MYCBP: variants seen among roughly 807,000 people sequenced by gnomAD.
MYCBP encodes C-Myc-binding protein.
Under a neutral mutation model 16.8 loss-of-function variants are expected in MYCBP, and 5 were observed. The observed-to-expected ratio is 0.30, with a 90% confidence interval of 0.16 to 0.63. The LOEUF (loss-of-function observed/expected upper bound fraction) is 0.63, where lower values mean the gene tolerates loss of function less well. MYCBP is among the 20% of genes least tolerant of loss of function. MYCBP has a pLI of 0.83. For missense variants in MYCBP, 103 were observed against 121.8 expected (o/e 0.85, Z 0.73); for synonymous variants, 35 against 43.7 (o/e 0.80, Z 0.79).
intron 2 of MYCBP, among the ~76,000 whole-genome samples, chr1:38,868,823 G>A (rs923462593): frequency 1.3e-4 from 19 of 151,958 alleles, no homozygotes; most frequent in Non-Finnish European, 1.6e-4. Flanking sequence ...GGAGAATGGC[G>A]TCAACCCAGG....
chr1:38,872,082 T>G (rs1642477837), intron 2 of MYCBP, among the ~76,000 whole-genome samples: 1 of 152,214 alleles, frequency 6.6e-6, no homozygotes, highest in Non-Finnish European at 1.5e-5. Flanking sequence ...ATTACTAGCC[T>G]TCTTTCTTCT....
At chr1:38,868,804 G>A (rs1642394570) in intron 2 of MYCBP, among the ~76,000 whole-genome samples, 1 of 152,088 alleles carries the variant, frequency 6.6e-6, no homozygotes, top group African/African-American at 2.4e-5. Context: ...TACTCAGGAG[G>A]CTGAGGCAGG....
Position 38,873,322 on chromosome 1 carries a change from G to A in MYCBP, c.-17C>T, listed in dbSNP as rs1444449687. 3 of 1,600,086 alleles carry A rather than the reference G, an allele frequency of 1.9e-6. No individual in the cohort carries two copies. The highest frequency in any genetic ancestry group is 1.1e-5 in the South Asian group (1 of 90,598). ...ATGGGCCATAGTGACAGCGGCAGCG[G>A]CGTAGCTGGCGCCGGAGACCGCGAC... On this transcript the variant is annotated 5_prime_UTR_variant, in exon 1 of 5. Transcript: ENST00000397572.
Position 38,863,370 on chromosome 1 carries a change from C to T in MYCBP, c.*1300G>A, listed in dbSNP as rs1357542500. 2.0e-5 allele frequency: 3 copies of T among 152,138 alleles called. No homozygotes were observed. Among genetic ancestry groups the T allele is most frequent in the Non-Finnish European group, 4.4e-5 (3 of 68,026 alleles). 9.4% of individuals were successfully genotyped at this position (152,138 alleles called of 1,614,324 possible). A position where few individuals can be genotyped will look rare whatever the true frequency, so the allele number is the denominator to read the frequency against. ...AAAACAAAGATAGGTTCTCTAACAA[C>T]AGGGAGAGAATATATGAAATAGGAA... On this transcript the variant is annotated 3_prime_UTR_variant, in exon 5 of 5. Transcript: ENST00000397572.
At chr1:38,869,741 G>C (rs1301984909) in intron 2 of MYCBP, among the ~76,000 whole-genome samples, 1 of 151,990 alleles carries the variant, frequency 6.6e-6, no homozygotes, top group African/African-American at 2.4e-5. Context: ...AAATCATCTT[G>C]GAAATAAGCT....
rs371676413 is a variant in MYCBP at position 38,873,088 on chromosome 1, G to A, written c.18C>T (p.Ala6=). Residue 6 remains alanine, a splice_region_variant and synonymous_variant, in exon 2 of 5, where the codon GCC becomes GCT. Coordinates refer to ENST00000397572, the MANE Select transcript of MYCBP (RefSeq NM_012333.5). ...GGAACTGCTCACGCTTCGAGTCGGC[G>A]GCCTGAAGAGACACCGGGGGTCAGT... MAHYK[A]ADSKREQFRR... The A allele has an allele frequency of 1.3e-4, 199 of 1,559,408 alleles. No homozygotes were observed. Among genetic ancestry groups the A allele is most frequent in the Admixed American group, 1.7e-4 (9 of 52,208 alleles).
Position 38,865,845 on chromosome 1 carries a change from C to T in MYCBP, c.267+1035G>A, listed in dbSNP as rs1015636004. On this transcript the variant is annotated intron_variant, in intron 4 of 4. Transcript: ENST00000397572. ...AGCACTAGATAAAATTAAGTCCTAA[C>T]AAATTTACAGAGGGCCGCTACATAT... Among the ~76,000 whole-genome samples, 82 of 152,000 alleles carry T rather than the reference C, an allele frequency of 5.4e-4. 1 individual carries two copies. The highest frequency in any genetic ancestry group is 1.9e-3 in the African/African-American group (78 of 41,386).
upstream of MYCBP, chr1:38,873,357 G>A: frequency 1.3e-6 from 2 of 1,587,160 alleles, no homozygotes; most frequent in Admixed American, 1.7e-5. Context: ...CTGGCGGGTT[G>A]GGAGCAGCAC....
At chr1:38,869,869 CAAA>C (rs57974251) in intron 2 of MYCBP, among the ~76,000 whole-genome samples, 4 of 142,484 alleles carry the variant, frequency 2.8e-5, no homozygotes, top group Admixed American at 7.0e-5. Context: ...CCCAACTCTA[CAAA>C]AAAAAAAAAA....
chr1:38,864,300 A>G lies in MYCBP; in HGVS notation c.*370T>C, dbSNP rs1224785143. 3.2e-5 allele frequency: 8 copies of G among 251,174 alleles called. No individual in the cohort carries two copies. Among genetic ancestry groups the G allele is most frequent in the South Asian group, 2.5e-4 (5 of 20,232 alleles). 15.6% of individuals were successfully genotyped at this position (251,174 alleles called of 1,614,324 possible). A position where few individuals can be genotyped will look rare whatever the true frequency, so the allele number is the denominator to read the frequency against. ...TACAGAACAGTGTCACCTTCAAAGA[A>G]TGACTGTACCTGTGTTCATATCCTG... On this transcript the variant is annotated 3_prime_UTR_variant, in exon 5 of 5. Coordinates refer to ENST00000397572, the MANE Select transcript of MYCBP (RefSeq NM_012333.5).
At chr1:38,868,943 TGATA>T (rs1249397496) in intron 2 of MYCBP, among the ~76,000 whole-genome samples, 2 of 152,052 alleles carry the variant, frequency 1.3e-5, no homozygotes, top group African/African-American at 4.8e-5. Flanking sequence ...AAAAAAACAG[TGATA>T]GATATCTAGA....
rs376176536 is a variant in MYCBP, at chr1:38,864,722, G to A, written c.268-8C>T. 17 of 1,613,092 alleles carry A rather than the reference G, an allele frequency of 1.1e-5. No homozygotes were observed. Among genetic ancestry groups the A allele is most frequent in the Non-Finnish European group, 1.4e-5 (17 of 1,179,410 alleles). ...TGGTTCATACTGAGCAAGCTATGGG[G>A]CAAAGACAGAGGAATTTAGGTGAAT... On this transcript the variant is annotated splice_region_variant and splice_polypyrimidine_tract_variant and intron_variant, in intron 4 of 4. Transcript: ENST00000397572.
At chr1:38,866,777 T>C (rs1642350500) in intron 4 of MYCBP, 103 bp downstream of exon 4, 1 of 959,290 alleles carries the variant, frequency 1.0e-6, no homozygotes, top group African/African-American at 1.7e-5. Flanking sequence ...TTCAAATTGA[T>C]ATTCACCCAC....
At position 38,873,275 on chromosome 1, in the gene MYCBP, G is replaced by T; in HGVS notation, c.15+16C>A. 1 of 1,600,070 alleles carries T rather than the reference G, an allele frequency of 6.2e-7. No individual in the cohort carries two copies. On this transcript the variant is annotated intron_variant, in intron 1 of 4. Coordinates refer to ENST00000397572, the MANE Select transcript of MYCBP (RefSeq NM_012333.5). ...CTACCGCCCGCATGCCCCCAGCCAC[G>T]CCGCGCCCCCCTCACTTTGTAATGG... is the stretch of plus-strand genomic sequence containing the variant.
Position 38,864,861 on chromosome 1 carries a change from T to A in MYCBP, c.268-147A>T, listed in dbSNP as rs1035637066. 9 of 728,066 alleles carry A rather than the reference T, an allele frequency of 1.2e-5. 1 individual carries two copies. The highest frequency in any genetic ancestry group is 2.8e-5 in the Admixed American group (1 of 35,986). The allele number at this position is 728,066 out of a possible 1,614,324, so 45.1% of individuals were successfully genotyped here. ...TCTATAACTATCCATTTTAAATCATTCAGTGATTTAAGATTTAATACAATC... is the reference window on the plus strand; with the variant it reads ...TCTATAACTATCCATTTTAAATCATACAGTGATTTAAGATTTAATACAATC... On this transcript the variant is annotated intron_variant, in intron 4 of 4. Transcript: ENST00000397572.
At chr1:38,865,749 A>G (rs1393458085) in intron 4 of MYCBP, among the ~76,000 whole-genome samples, 1 of 152,152 alleles carries the variant, frequency 6.6e-6, no homozygotes, top group African/African-American at 2.4e-5. Context: ...CTGCAGTGAG[A>G]CATGACTGCA....
chr1:38,870,575 T>C (rs1398421181), intron 2 of MYCBP, among the ~76,000 whole-genome samples: 2 of 147,730 alleles, frequency 1.4e-5, no homozygotes, highest in African/African-American at 5.0e-5. Flanking sequence ...GGGTGGATCA[T>C]GAGGTCAGGA....
intron 2 of MYCBP, 152 bp from the exon 3 acceptor site, chr1:38,867,762 T>A: frequency 1.5e-6 from 1 of 680,514 alleles, no homozygotes; most frequent in Non-Finnish European, 2.6e-6. Flanking sequence ...ACAAGGTCCC[T>A]GTTCTCAACA....
upstream of MYCBP, chr1:38,873,378 C>G: frequency 2.6e-6 from 4 of 1,548,354 alleles, no homozygotes; most frequent in Non-Finnish European, 3.5e-6. Flanking sequence ...TGCTCATGCG[C>G]GGAAGGGGGC....
Sources: gnomAD v4.1 joint callset for allele counts (sites outside exome capture counted in the v4.1 genomes callset) on GRCh38, gnomAD v4.1.1 for gene constraint, MANE v1.5 for transcripts, NCBI Gene and HGNC (gene_info 2026-07-23, HGNC 2026-07-21) for gene names.